The following CLASP1 variants were observed in gnomAD, a reference collection of about 807,000 sequenced individuals.
CLASP1 encodes CLIP-associating protein 1.
Under a neutral mutation model 192.3 loss-of-function variants are expected in CLASP1, and 38 were observed. That is an observed-to-expected ratio of 0.20 (90% CI 0.15 to 0.26). The LOEUF (loss-of-function observed/expected upper bound fraction) is 0.26, where lower values mean the gene tolerates loss of function less well. Ranked by LOEUF, CLASP1 falls within the 10% of genes least tolerant of loss-of-function variation. CLASP1 has a pLI of 1.00. For missense variants in CLASP1, 1,433 were observed against 1,932.5 expected (o/e 0.74, Z 4.85); for synonymous variants, 691 against 712.8 (o/e 0.97, Z 0.49).
chr2:121,552,162 G>A (rs1016883871), intron 2 of CLASP1, among the ~76,000 whole-genome samples: 11 of 152,200 alleles, frequency 7.2e-5, no homozygotes, highest in African/African-American at 9.6e-5. Context: ...AGCTGGAACC[G>A]TGCCTTACAC....
At chr2:121,453,309 A>G (rs2085931459) in intron 14 of CLASP1, among the ~76,000 whole-genome samples, 1 of 152,142 alleles carries the variant, frequency 6.6e-6, no homozygotes, top group East Asian at 1.9e-4. Context: ...ATAAATAAAT[A>G]AAAATAATTA....
chr2:121,428,966 C>A (rs2080920935), intron 20 of CLASP1, among the ~76,000 whole-genome samples: 1 of 152,174 alleles, frequency 6.6e-6, no homozygotes, highest in South Asian at 2.1e-4. Context: ...ACACTGGAGC[C>A]AGGATGCAAA....
At chr2:121,640,698 G>C (rs2071892562) in intron 1 of CLASP1, among the ~76,000 whole-genome samples, 1 of 152,006 alleles carries the variant, frequency 6.6e-6, no homozygotes, top group East Asian at 1.9e-4. Flanking sequence ...AAAAAAAATG[G>C]GATAAATGAA....
intron 14 of CLASP1, among the ~76,000 whole-genome samples, chr2:121,452,746 G>A (rs775982015): frequency 3.9e-5 from 6 of 152,132 alleles, no homozygotes; most frequent in Non-Finnish European, 7.3e-5. Flanking sequence ...AGCCGAGATC[G>A]TGCCACTGCA....
chr2:121,526,130 G>C (rs1303191982), intron 5 of CLASP1, among the ~76,000 whole-genome samples: 1 of 152,212 alleles, frequency 6.6e-6, no homozygotes, highest in Non-Finnish European at 1.5e-5. Flanking sequence ...GCTTCTCCCA[G>C]ATAAGTCTTC....
At chr2:121,541,269 A>C (rs185500619) in intron 2 of CLASP1, among the ~76,000 whole-genome samples, 1 of 152,260 alleles carries the variant, frequency 6.6e-6, no homozygotes, top group East Asian at 1.9e-4. Flanking sequence ...CTGAAGCTTC[A>C]GAAGACTGGA....
At chr2:121,615,949 A>G (rs1181083346) in intron 1 of CLASP1, among the ~76,000 whole-genome samples, 1 of 152,196 alleles carries the variant, frequency 6.6e-6, no homozygotes, top group Non-Finnish European at 1.5e-5. Flanking sequence ...AGCTTCATTG[A>G]AAGTTCAAAG....
chr2:121,646,861 C>A (rs1419521626), intron 1 of CLASP1, among the ~76,000 whole-genome samples: 1 of 150,990 alleles, frequency 6.6e-6, no homozygotes, highest in Non-Finnish European at 1.5e-5. Flanking sequence ...CACGGTGAAA[C>A]CCCGTCTCTA....
intron 8 of CLASP1, among the ~76,000 whole-genome samples, chr2:121,495,287 C>T (rs1483650867): frequency 6.6e-6 from 1 of 151,740 alleles, no homozygotes; most frequent in Non-Finnish European, 1.5e-5. Flanking sequence ...GGCACCACTG[C>T]CCTCCAGCCT....
At chr2:121,451,941 T>A (rs997225162) in intron 14 of CLASP1, 92 bp from the exon 15 acceptor site, 2 of 790,514 alleles carry the variant, frequency 2.5e-6, no homozygotes, top group African/African-American at 3.5e-5. Flanking sequence ...TACTATTTTT[T>A]ATAATTAGTA....
chr2:121,425,319 C>G lies in CLASP1; in HGVS notation c.2045-13G>C. 6.2e-7 allele frequency: 1 copy of G among 1,608,868 alleles called. No individual in the cohort carries two copies. Among genetic ancestry groups the G allele is most frequent in the Non-Finnish European group, 8.5e-7 (1 of 1,178,000 alleles). On this transcript the variant is annotated splice_polypyrimidine_tract_variant and intron_variant, in intron 21 of 39. Coordinates refer to ENST00000263710, the Ensembl canonical transcript of CLASP1. ...GACCGGCTGCCAGCTAAAAGTGAAG[C>G]AAAATGACAATGAATAATAGATGTA...
chr2:121,467,544 T>G (rs2089881555), intron 9 of CLASP1, among the ~76,000 whole-genome samples: 1 of 152,236 alleles, frequency 6.6e-6, no homozygotes, highest in Admixed American at 6.5e-5. Context: ...TTTGCATTTC[T>G]CTAATAATCA....
chr2:121,534,092 C>A (rs993384851), intron 2 of CLASP1, among the ~76,000 whole-genome samples: 2 of 152,246 alleles, frequency 1.3e-5, no homozygotes, highest in Non-Finnish European at 2.9e-5. Flanking sequence ...GGTCAAGAAA[C>A]AGAGACAACC....
chr2:121,547,955 AG>A (rs2057634329), intron 2 of CLASP1, among the ~76,000 whole-genome samples: 1 of 152,244 alleles, frequency 6.6e-6, no homozygotes, highest in African/African-American at 2.4e-5. Context: ...CTGCAGTTAA[AG>A]GAACACCCAG....
Position 121,401,499 on chromosome 2 carries a change from A to G in CLASP1, c.2900+10T>C. 6.2e-7 allele frequency: 1 copy of G among 1,601,896 alleles called. No homozygotes were observed. Among genetic ancestry groups the G allele is most frequent in the Non-Finnish European group, 8.5e-7 (1 of 1,175,614 alleles). ...TAACATCAAAATGGACCTAACCCTT[A>G]AACACTTACCTTGTGACATCTAGAG... On this transcript the variant is annotated intron_variant, in intron 28 of 39. Transcript: ENST00000263710.
At position 121,347,170 on chromosome 2, in the gene CLASP1, G is replaced by A. The variant is rs1198592150; in HGVS notation, c.4414-16C>T. 8 of 1,517,214 alleles carry A rather than the reference G, an allele frequency of 5.3e-6. No individual in the cohort carries two copies. The highest frequency in any genetic ancestry group is 7.2e-6 in the Non-Finnish European group (8 of 1,113,374). The allele number at this position is 1,517,214 out of a possible 1,614,324, so 94.0% of individuals were successfully genotyped here. A position where few individuals can be genotyped will look rare whatever the true frequency, so the allele number is the denominator to read the frequency against. On this transcript the variant is annotated splice_polypyrimidine_tract_variant and intron_variant, in intron 38 of 39. Coordinates refer to ENST00000263710, the Ensembl canonical transcript of CLASP1. ...TGTCATAACCCTAGAGAGCCAGAAG[G>A]GAACACGAAAAGGAAACCAGATCAA...
At chr2:121,429,415 A>C (rs969175236) in intron 20 of CLASP1, among the ~76,000 whole-genome samples, 19 of 152,200 alleles carry the variant, frequency 1.2e-4, no homozygotes, top group African/African-American at 4.6e-4. Context: ...CGGGCCCCTT[A>C]AAAGAGGAGG....
intron 1 of CLASP1, among the ~76,000 whole-genome samples, chr2:121,633,057 C>G (rs1035005052): frequency 7.6e-5 from 10 of 131,864 alleles, no homozygotes; most frequent in Admixed American, 1.5e-4. Context: ...TAATTAATAA[C>G]ATTGGTGACT....
Position 121,508,844 on chromosome 2 carries a change from G to A in CLASP1, c.645-5610C>T, listed in dbSNP as rs561775269. Reference sequence around the variant, plus strand: ...ACAAAAGAGAGCTAGAATGGTTATAGTGATAACAAGTAACACAGACCTTAA... The same window carrying A: ...ACAAAAGAGAGCTAGAATGGTTATAATGATAACAAGTAACACAGACCTTAA... On this transcript the variant is annotated intron_variant, in intron 7 of 39. Coordinates refer to ENST00000263710, the Ensembl canonical transcript of CLASP1. 2.6e-5 allele frequency among the ~76,000 whole-genome samples: 4 copies of A among 152,318 alleles called. No homozygotes were observed. In the South Asian group the frequency reaches 6.2e-4, roughly 24 times the overall value.
Sources: gnomAD v4.1 joint callset for allele counts (sites outside exome capture counted in the v4.1 genomes callset) on GRCh38, gnomAD v4.1.1 for gene constraint, MANE v1.5 for transcripts, NCBI Gene and HGNC (gene_info 2026-07-23, HGNC 2026-07-21) for gene names.